The following TMEM182 variants were observed in gnomAD, a reference collection of about 807,000 sequenced individuals.
The protein encoded by TMEM182 is transmembrane protein 182.
TMEM182 carries 20 observed loss-of-function variants against 26.8 expected under a neutral mutation model. That is an observed-to-expected ratio of 0.75 (90% confidence interval 0.53 to 1.09). The LOEUF (loss-of-function observed/expected upper bound fraction) is 1.09. Ranked by LOEUF, TMEM182 falls within the 50% of genes least tolerant of loss-of-function variation. The pLI is 0.00. For synonymous variants in TMEM182, 109 were observed against 102.2 expected (o/e 1.07, Z -0.40); for missense variants, 277 against 275.5 (o/e 1.01, Z -0.04).
chr2:102,777,802 A>C (rs72828098), intron 3 of TMEM182, among the ~76,000 whole-genome samples: 22,212 of 144,246 alleles, frequency 0.15, 1,820 homozygotes, highest in East Asian at 0.22. Flanking sequence ...GCCTTATTGC[A>C]CAGACTATGA....
chr2:102,756,711 G>GA (rs955544115), intron 1 of TMEM182, among the ~76,000 whole-genome samples: 1 of 152,048 alleles, frequency 6.6e-6, no homozygotes, highest in African/African-American at 2.4e-5. Flanking sequence ...TCCGTCTCAA[G>GA]AAAAAACAAA....
In TMEM182 at chr2:102,811,592, A is replaced by G. The variant is rs78723422; in HGVS notation, c.470-3156A>G. 8.7e-3 allele frequency among the ~76,000 whole-genome samples: 1,321 copies of G among 152,340 alleles called. 22 individuals are homozygous for G. Among genetic ancestry groups the G allele is most frequent in the African/African-American group, 0.03 (1,247 of 41,582 alleles). On this transcript the variant is annotated intron_variant, in intron 4 of 4. Coordinates refer to ENST00000412401, the MANE Select transcript of TMEM182 (RefSeq NM_144632.5). ...CTAATTCTGCCATCCCTCTACACTT[A>G]TAAGTTAGTGTTCTGTTGTAAGGAA...
At chr2:102,818,529 A>G (rs1019305118), downstream of TMEM182, among the ~76,000 whole-genome samples, 1 of 152,168 alleles carries the variant, frequency 6.6e-6, no homozygotes, top group African/African-American at 2.4e-5. Flanking sequence ...AACCTGGACT[A>G]GCCTGTGAGA....
intron 4 of TMEM182, among the ~76,000 whole-genome samples, chr2:102,804,206 G>T (rs542220254): frequency 3.0e-4 from 45 of 151,730 alleles, no homozygotes; most frequent in Non-Finnish European, 5.3e-4. Context: ...GTGGTGTTTG[G>T]TTACATGAGT....
intron 4 of TMEM182, among the ~76,000 whole-genome samples, chr2:102,806,667 A>G (rs561848173): frequency 6.6e-6 from 1 of 152,282 alleles, no homozygotes; most frequent in East Asian, 1.9e-4. Flanking sequence ...GCTTAATAAT[A>G]ATAATAATAA....
intron 3 of TMEM182, among the ~76,000 whole-genome samples, chr2:102,772,521 G>C (rs1216379683): frequency 6.6e-6 from 1 of 152,092 alleles, no homozygotes; most frequent in African/African-American, 2.4e-5. Flanking sequence ...CATCCCATGA[G>C]CTATTTTGGA....
At chr2:102,785,408 C>A (rs910258045) in intron 3 of TMEM182, among the ~76,000 whole-genome samples, 4 of 152,224 alleles carry the variant, frequency 2.6e-5, no homozygotes, top group African/African-American at 9.6e-5. Context: ...TTGCACTTGG[C>A]ATAGACGATA....
rs143485044 is a variant in TMEM182, at chr2:102,805,213, T to C, written c.469+7213T>C. On this transcript the variant is annotated intron_variant, in intron 4 of 4. Transcript: ENST00000412401. The stretch of plus-strand genomic sequence containing the variant: ...TTATTTTCCCCGCATTGCTCTTCAG[T>C]GGAAATGTGTCTAACTGGTTGTTAG... Among the ~76,000 whole-genome samples the C allele has an allele frequency of 2.0e-4, 31 of 152,344 alleles. No individual in the cohort carries two copies. The East Asian group carries it at 6.0e-3, about 29-fold the overall frequency.
In TMEM182 at chr2:102,814,902, A is replaced by G. The variant is rs144729903; in HGVS notation, c.624A>G (p.Ile208Met). ...CATTTTTCCTGGCCCCAGCTGGGAT[A>G]TTTTTTTCTTTGCTAGCTGGATTAC... is the stretch of plus-strand genomic sequence containing the variant. ...GWSFFLAPAG[I>M]FFSLLAGLLF... The change falls in exon 5 of 5, where the codon ATA (isoleucine) becomes ATG (methionine). Residue 208 changes from isoleucine to methionine, a missense_variant. Ile to Met is a conservative substitution (Grantham distance 10). Coordinates refer to ENST00000412401, the MANE Select transcript of TMEM182 (RefSeq NM_144632.5). 1.6e-4 allele frequency: 251 copies of G among 1,613,572 alleles called. No individual in the cohort carries two copies. Among genetic ancestry groups the G allele is most frequent in the Non-Finnish European group, 1.9e-4 (227 of 1,179,922 alleles).
At chr2:102,742,785 C>T (rs1679580930) in intron 1 of TMEM182, among the ~76,000 whole-genome samples, 1 of 152,162 alleles carries the variant, frequency 6.6e-6, no homozygotes, top group East Asian at 1.9e-4. Flanking sequence ...AGTAGAAAAA[C>T]TCCACCAACC....
chr2:102,800,052 G>A (rs1682052141), intron 4 of TMEM182, among the ~76,000 whole-genome samples: 1 of 152,048 alleles, frequency 6.6e-6, no homozygotes, highest in Admixed American at 6.5e-5. Flanking sequence ...GAAGAACCCT[G>A]TTAAACCATT....
downstream of TMEM182, among the ~76,000 whole-genome samples, chr2:102,822,458 A>C (rs575277648): frequency 2.0e-5 from 3 of 152,312 alleles, no homozygotes; most frequent in East Asian, 5.8e-4. Context: ...GACAAGGAAA[A>C]AAGGTGATCT....
At chr2:102,796,602 C>T (rs991099749) in intron 3 of TMEM182, among the ~76,000 whole-genome samples, 4 of 152,222 alleles carry the variant, frequency 2.6e-5, no homozygotes, top group African/African-American at 9.6e-5. Context: ...AGTATCTCTT[C>T]ACTGCCCTGT....
At chr2:102,738,455 C>T (rs535017397) in intron 1 of TMEM182, among the ~76,000 whole-genome samples, 3 of 151,982 alleles carry the variant, frequency 2.0e-5, no homozygotes, top group Non-Finnish European at 2.9e-5. Context: ...TTTAGCTGGG[C>T]GTGGTGGTGC....
intron 4 of TMEM182, among the ~76,000 whole-genome samples, chr2:102,807,649 T>C (rs1255974250): frequency 6.6e-6 from 1 of 152,146 alleles, no homozygotes; most frequent in East Asian, 1.9e-4. Context: ...AAGTGGCAAA[T>C]TTCCCTTTTC....
At chr2:102,762,372 T>C (rs1411266291) in intron 1 of TMEM182, 23 bp downstream of exon 1, 20 of 1,613,670 alleles carry the variant, frequency 1.2e-5, no homozygotes, top group East Asian at 2.2e-5. Context: ...TTCAAAATAG[T>C]GATGCACATG....
intron 3 of TMEM182, among the ~76,000 whole-genome samples, chr2:102,784,449 G>A (rs1681303586): frequency 6.6e-6 from 1 of 152,030 alleles, no homozygotes; most frequent in African/African-American, 2.4e-5. Flanking sequence ...TTGATGGACT[G>A]AAGCTCCATG....
At chr2:102,757,505 A>G (rs947893706), upstream of TMEM182, 1 of 152,124 alleles carries the variant, frequency 6.6e-6, no homozygotes, top group African/African-American at 2.4e-5. Context: ...TGGTTGTTTC[A>G]TATTCTGCCT....
At chr2:102,758,659 G>A (rs1305828020), upstream of TMEM182, among the ~76,000 whole-genome samples, 1 of 152,146 alleles carries the variant, frequency 6.6e-6, no homozygotes, top group Non-Finnish European at 1.5e-5. Context: ...GGATTGCTCA[G>A]GAGGTCATGT....
Sources: gnomAD v4.1 joint callset for allele counts (sites outside exome capture counted in the v4.1 genomes callset) on GRCh38, gnomAD v4.1.1 for gene constraint, MANE v1.5 for transcripts, NCBI Gene and HGNC (gene_info 2026-07-23, HGNC 2026-07-21) for gene names.